RNF213: variants seen among roughly 807,000 people sequenced by gnomAD.
RNF213 encodes E3 ubiquitin-protein ligase RNF213.
Under a neutral mutation model 514.4 loss-of-function variants are expected in RNF213, and 341 were observed. That is an observed-to-expected ratio of 0.66 (90% confidence interval 0.61 to 0.73). RNF213 has a LOEUF of 0.73. RNF213 is among the 30% of genes least tolerant of loss of function. The probability of loss-of-function intolerance (pLI) is 0.00; values close to 1 mark genes in which losing one functional copy is unlikely to be tolerated. For missense variants in RNF213, 5,767 were observed against 6,615.6 expected, an observed-to-expected ratio of 0.87 and a Z score of 4.45; for synonymous variants, 2,655 against 2,658.2, an observed-to-expected ratio of 1.00 and a Z score of 0.04.
chr17:80,327,758 G>A (rs992205257), intron 18 of RNF213, 58 bp from the exon 19 acceptor site: 48 of 1,417,148 alleles, frequency 3.4e-5, no homozygotes, highest in South Asian at 2.6e-4. Context: ...CCACGGTAAC[G>A]GCAAAGAGGC....
Position 80,376,333 on chromosome 17 carries a change from A to G in RNF213, c.13218A>G (p.Glu4406=). ...QCEAVSKFIG[E]CKILSPPDIS... Reference sequence around the variant, plus strand: ...AAGCTGTGAGCAAATTCATTGGCGAATGCAAGATCCTTTCACCTCCTGATA... The same window carrying G: ...AAGCTGTGAGCAAATTCATTGGCGAGTGCAAGATCCTTTCACCTCCTGATA... Residue 4406 remains glutamate, a synonymous_variant, in exon 52 of 68, where the codon GAA becomes GAG. Transcript: ENST00000582970. The G allele has an allele frequency of 6.2e-7, 1 of 1,614,242 alleles. No individual in the cohort carries two copies. Among genetic ancestry groups the G allele is most frequent in the Non-Finnish European group, 8.5e-7 (1 of 1,180,036 alleles).
In RNF213 at chr17:80,345,727, C is replaced by T. The variant is rs2078287868; in HGVS notation, c.7392C>T (p.Val2464=). 5 of 1,614,206 alleles carry T rather than the reference C, an allele frequency of 3.1e-6. No homozygotes were observed. The Admixed American group carries it at 5.0e-5, about 16-fold the overall frequency. ...GTTADMIYSR[V]REAENVAFAN... ...CTGCAGACATGATCTACTCCAGAGTCAGGGAGGCTGAAAATGTGGCCTTCG... is the reference window on the plus strand; with the variant it reads ...CTGCAGACATGATCTACTCCAGAGTTAGGGAGGCTGAAAATGTGGCCTTCG... The change falls in exon 29 of 68, where the codon GTC becomes GTT. Residue 2464 remains valine (V), a synonymous_variant. Coordinates refer to ENST00000582970, the MANE Select transcript of RNF213 (RefSeq NM_001256071.3). This position sits in a 1 kb window ranked among gnomAD's most constrained non-coding sequence, Gnocchi z 6.0.
At position 80,377,185 on chromosome 17, in the gene RNF213, A is replaced by G; in HGVS notation, c.13510+222A>G. 1 of 571,958 alleles carries G rather than the reference A, an allele frequency of 1.7e-6. No individual in the cohort carries two copies. The highest frequency in any genetic ancestry group is 3.1e-5 in the East Asian group (1 of 32,708). The allele number at this position is 571,958 out of a possible 1,614,324, so 35.4% of individuals were successfully genotyped here. On this transcript the variant is annotated intron_variant, in intron 53 of 67. Transcript: ENST00000582970. This position sits in a 1 kb window ranked among gnomAD's most constrained non-coding sequence, Gnocchi z 4.1. The stretch of plus-strand genomic sequence containing the variant: ...CCATTTCATTTCTTTGTCGTGTGGA[A>G]AAGGCCCTCTGTGATGCACTTCTGT...
chr17:80,392,374 T>G (rs566323929), intron 67 of RNF213, among the ~76,000 whole-genome samples: 1 of 152,292 alleles, frequency 6.6e-6, no homozygotes, highest in South Asian at 2.1e-4. Context: ...AATACAAGGT[T>G]TTTTGAATGG....
intron 57 of RNF213, 54 bp downstream of exon 57, chr17:80,381,781 A>G (rs1936244043): frequency 1.3e-6 from 2 of 1,541,832 alleles, no homozygotes; most frequent in Admixed American, 1.8e-5. Context: ...CGGCAGCGCA[A>G]GCAGGCTCGC....
chr17:80,368,433 G>GTT (rs5822349), intron 44 of RNF213, among the ~76,000 whole-genome samples: 4,195 of 137,016 alleles, frequency 0.031, 127 homozygotes, highest in Non-Finnish European at 0.034. Flanking sequence ...AGACGCCAGT[G>GTT]TTTTTTTTTT....
Position 80,377,149 on chromosome 17 carries a change from G to T in RNF213, c.13510+186G>T. The T allele has an allele frequency of 3.2e-6, 2 of 627,744 alleles. No individual in the cohort carries two copies. Among genetic ancestry groups the T allele is most frequent in the East Asian group, 5.6e-5 (2 of 35,752 alleles). 38.9% of individuals were successfully genotyped at this position (627,744 alleles called of 1,614,324 possible). ...GAAGGAGCTGGCACTCCGCCGGCTA[G>T]ATGATCCAAACCATTTCATTTCTTT... On this transcript the variant is annotated intron_variant, in intron 53 of 67. Coordinates refer to ENST00000582970, the MANE Select transcript of RNF213 (RefSeq NM_001256071.3). The surrounding 1 kb of genome is among the most constrained non-coding windows in gnomAD (Gnocchi z 4.1).
intron 42 of RNF213, among the ~76,000 whole-genome samples, chr17:80,366,619 C>T (rs1217763297): frequency 6.6e-6 from 1 of 151,864 alleles, no homozygotes; most frequent in African/African-American, 2.4e-5. Flanking sequence ...AAAATACACA[C>T]ATCACTTCCA....
At position 80,346,441 on chromosome 17, in the gene RNF213, A is replaced by G. The variant is rs2078314392; in HGVS notation, c.8106A>G (p.Ser2702=). 6.2e-7 allele frequency: 1 copy of G among 1,613,756 alleles called. No homozygotes were observed. Among genetic ancestry groups the G allele is most frequent in the East Asian group, 2.2e-5 (1 of 44,878 alleles). The change falls in exon 29 of 68, where the codon TCA becomes TCG. Residue 2702 remains serine (S), a synonymous_variant. Transcript: ENST00000582970. The surrounding 1 kb of genome is among the most constrained non-coding windows in gnomAD (Gnocchi z 8.1). ...ATGCCTCTTTAGAAAAGAAAGACTCATATCGGAAAGCCATCGCCAGGTTCT... is the reference window on the plus strand; with the variant it reads ...ATGCCTCTTTAGAAAAGAAAGACTCGTATCGGAAAGCCATCGCCAGGTTCT... ...CYHASLEKKD[S]YRKAIARFFP...
chr17:80,278,800 G>T, intron 3 of RNF213: 2 of 1,537,238 alleles, frequency 1.3e-6, no homozygotes, highest in South Asian at 2.4e-5. Flanking sequence ...TGCTGCTGTA[G>T]ACCTCATATC....
chr17:80,354,349 A>G, intron 35 of RNF213, 92 bp from the exon 36 acceptor site: 1 of 1,597,272 alleles, frequency 6.3e-7, no homozygotes, highest in African/African-American at 1.3e-5. Context: ...TGGCCAACGG[A>G]CTTCCCTTCC....
In RNF213 at chr17:80,288,060, T is replaced by C. The variant is rs1446746011; in HGVS notation, c.507T>C (p.Val169=). 1.9e-6 allele frequency: 3 copies of C among 1,608,060 alleles called. No homozygotes were observed. The highest frequency in any genetic ancestry group is 1.7e-6 in the Non-Finnish European group (2 of 1,176,852). Residue 169 remains valine (V), a synonymous_variant, in exon 4 of 68, where the codon GTT becomes GTC. Coordinates refer to ENST00000582970, the MANE Select transcript of RNF213 (RefSeq NM_001256071.3). This position sits in a 1 kb window ranked among gnomAD's most constrained non-coding sequence, Gnocchi z 4.9. ...EGDGLSAPTE[V]GDSPLQAQAL... ...ACGGCCTCTCCGCGCCCACCGAGGT[T>C]GGCGACAGCCCCCTGCAGGCCCAGG...
rs559147240 is a variant in RNF213 at position 80,326,170 on chromosome 17, A to G, written c.3193+972A>G. Among the ~76,000 whole-genome samples, 178 of 152,090 alleles carry G rather than the reference A, an allele frequency of 1.2e-3. 1 individual carries two copies. Among genetic ancestry groups the G allele is most frequent in the African/African-American group, 4.0e-3 (168 of 41,494 alleles). The stretch of plus-strand genomic sequence containing the variant: ...GGTCTTCTCTGTTGCGCAAGTTAGC[A>G]TGTAGTAGAGTGATGCCATCATCGC... On this transcript the variant is annotated intron_variant, in intron 18 of 67. Transcript: ENST00000582970.
chr17:80,388,836 C>T lies in RNF213; in HGVS notation c.15000+147C>T, dbSNP rs915548158. The T allele has an allele frequency of 1.0e-4, 73 of 722,020 alleles. No individual in the cohort carries two copies. The East Asian group carries it at 1.7e-3, about 17-fold the overall frequency. 44.7% of individuals were successfully genotyped at this position (722,020 alleles called of 1,614,324 possible). On this transcript the variant is annotated intron_variant, in intron 64 of 67. Transcript: ENST00000582970. ...CCTCCCTTACAGAGAGCAAGCAAGA[C>T]AGCAAATCAGCAAGTTTTCTTGTAG... is the stretch of plus-strand genomic sequence containing the variant.
chr17:80,363,807 C>T lies in RNF213; in HGVS notation c.11750+17C>T. ...GGAAGTCAGGTGAGACCCAGGAGCC[C>T]TCACCCACTGCTTCATCTGGCGCGC... On this transcript the variant is annotated intron_variant, in intron 41 of 67. Coordinates refer to ENST00000582970, the MANE Select transcript of RNF213 (RefSeq NM_001256071.3). The T allele has an allele frequency of 6.2e-7, 1 of 1,611,080 alleles. No individual in the cohort carries two copies. Among genetic ancestry groups the T allele is most frequent in the African/African-American group, 1.3e-5 (1 of 75,006 alleles).
chr17:80,338,764 A>G (rs1465242950), intron 25 of RNF213, among the ~76,000 whole-genome samples: 2 of 151,930 alleles, frequency 1.3e-5, no homozygotes, highest in East Asian at 1.9e-4. Context: ...GCCTGGCGAT[A>G]TGGTGAAACC....
chr17:80,368,084 C>T lies in RNF213; in HGVS notation c.12096C>T (p.Cys4032=). ...GGTTTGCCTCAGAGCAGATGATATG[C>T]CCCTACTGTTTAACTGCCTTGCCAG... is the stretch of plus-strand genomic sequence containing the variant. ...RAWFASEQMI[C]PYCLTALPDE... The change falls in exon 44 of 68, where the codon TGC becomes TGT. Residue 4032 remains cysteine (C), a synonymous_variant. Coordinates refer to ENST00000582970, the MANE Select transcript of RNF213 (RefSeq NM_001256071.3). 2 of 1,614,254 alleles carry T rather than the reference C, an allele frequency of 1.2e-6. No individual in the cohort carries two copies. Among genetic ancestry groups the T allele is most frequent in the Non-Finnish European group, 1.7e-6 (2 of 1,180,046 alleles).
intron 14 of RNF213, among the ~76,000 whole-genome samples, chr17:80,311,182 T>A (rs537798475): frequency 1.3e-5 from 2 of 152,366 alleles, no homozygotes; most frequent in East Asian, 3.9e-4. Flanking sequence ...ACTCTCTACC[T>A]GTGCCATAAA....
chr17:80,372,803 G>A lies in RNF213; in HGVS notation c.12751+69G>A. The A allele has an allele frequency of 2.0e-5, 30 of 1,512,206 alleles. 1 individual carries two copies. Among genetic ancestry groups the A allele is most frequent in the South Asian group, 9.3e-5 (8 of 86,466 alleles). 93.7% of individuals were successfully genotyped at this position (1,512,206 alleles called of 1,614,324 possible). On this transcript the variant is annotated intron_variant, in intron 48 of 67. Coordinates refer to ENST00000582970, the MANE Select transcript of RNF213 (RefSeq NM_001256071.3). ...GTTATTTAGAAATTCAGGAAGTATG[G>A]GAAACTAGTTCTTCGAATAGACTAC...
Sources: allele counts gnomAD v4.1 joint callset (sites outside exome capture counted in the v4.1 genomes callset), GRCh38; gene constraint gnomAD v4.1.1; non-coding constraint Gnocchi (gnomAD v3.1); transcripts MANE v1.5; gene names NCBI Gene and HGNC (gene_info 2026-07-23, HGNC 2026-07-21).